Variants in MAML2 observed in about 807,000 individuals in gnomAD.
MAML2 encodes the protein mastermind-like protein 2.
Under a neutral mutation model 96.1 loss-of-function variants are expected in MAML2, and 22 were observed. That is an observed-to-expected ratio of 0.23 (90% CI 0.16 to 0.33). MAML2 has a LOEUF of 0.33. Among genes scored for constraint, MAML2 ranks in the 10% least tolerant of loss-of-function variants. MAML2 has a pLI of 1.00. For missense variants in MAML2, 1,367 were observed against 1,392.4 expected (o/e 0.98, Z 0.29); for synonymous variants, 561 against 521.3 (o/e 1.08, Z -1.04).
chr11:96,198,590 T>A (rs909196321), intron 1 of MAML2, among the ~76,000 whole-genome samples: 22 of 152,332 alleles, frequency 1.4e-4, no homozygotes, highest in African/African-American at 5.3e-4. Context: ...ATCTATTTTG[T>A]AGTGTGGCTC....
chr11:96,038,649 T>G (rs1039449031), intron 2 of MAML2, among the ~76,000 whole-genome samples: 1 of 152,230 alleles, frequency 6.6e-6, no homozygotes, highest in Admixed American at 6.5e-5. Flanking sequence ...CTCCTCCTCA[T>G]GGTCCTTACT....
chr11:96,254,834 T>C lies in MAML2; in HGVS notation c.513+86549A>G, dbSNP rs116155993. On this transcript the variant is annotated intron_variant, in intron 1 of 4. Transcript: ENST00000524717. ...GCTCCTTTTTTTATTTTTTATTTAT[T>C]TTTTGAGACAGGGTCTCACTGTGTC... Among the ~76,000 whole-genome samples the C allele has an allele frequency of 5.2e-3, 799 of 152,290 alleles. 8 individuals carry two copies. Among genetic ancestry groups the C allele is most frequent in the African/African-American group, 0.018 (754 of 41,544 alleles).
intron 1 of MAML2, among the ~76,000 whole-genome samples, chr11:96,240,643 G>T (rs1591090634): frequency 7.2e-6 from 1 of 139,082 alleles, no homozygotes; most frequent in Non-Finnish European, 1.5e-5. Flanking sequence ...TATTATTTTT[G>T]CAATGCATTG....
At chr11:96,330,489 T>A (rs1863838707) in intron 1 of MAML2, among the ~76,000 whole-genome samples, 1 of 152,252 alleles carries the variant, frequency 6.6e-6, no homozygotes, top group African/African-American at 2.4e-5. Flanking sequence ...GCTAAAATTT[T>A]CCAGCTCTGA....
At chr11:96,178,869 T>C (rs1386087430) in intron 1 of MAML2, among the ~76,000 whole-genome samples, 1 of 152,180 alleles carries the variant, frequency 6.6e-6, no homozygotes, top group Non-Finnish European at 1.5e-5. Flanking sequence ...TCTTATAAAA[T>C]GGCATGGCTA....
intron 1 of MAML2, among the ~76,000 whole-genome samples, chr11:96,338,081 C>T (rs1189331588): frequency 6.6e-6 from 1 of 152,182 alleles, no homozygotes; most frequent in African/African-American, 2.4e-5. Flanking sequence ...GTGATCCTAG[C>T]AACACAATCT....
intron 2 of MAML2, among the ~76,000 whole-genome samples, chr11:96,044,080 C>T (rs981173899): frequency 6.6e-6 from 1 of 152,174 alleles, no homozygotes; most frequent in African/African-American, 2.4e-5. Context: ...ATGAAGGTTA[C>T]AAGCTAAGGT....
intron 1 of MAML2, among the ~76,000 whole-genome samples, chr11:96,138,560 G>A (rs1860675688): frequency 6.6e-6 from 1 of 152,082 alleles, no homozygotes; most frequent in Non-Finnish European, 1.5e-5. Context: ...CGATCTTATT[G>A]CACTCTTCCT....
At chr11:96,069,796 G>A (rs894439475) in intron 2 of MAML2, among the ~76,000 whole-genome samples, 201 of 152,178 alleles carry the variant, frequency 1.3e-3, no homozygotes, top group African/African-American at 4.3e-3. Context: ...AGGCCGAGGC[G>A]GGCGGATCAC....
At chr11:96,116,290 T>C (rs1211210049) in intron 1 of MAML2, among the ~76,000 whole-genome samples, 1 of 152,028 alleles carries the variant, frequency 6.6e-6, no homozygotes, top group Non-Finnish European at 1.5e-5. Flanking sequence ...ACTGGGTGGG[T>C]TCTTAAATGG....
intron 2 of MAML2, among the ~76,000 whole-genome samples, chr11:96,009,656 T>C (rs1434286509): frequency 6.6e-6 from 1 of 152,192 alleles, no homozygotes; most frequent in Non-Finnish European, 1.5e-5. Flanking sequence ...AGCATTGACA[T>C]ATATCTTCAC....
At chr11:96,341,123 C>T (rs561782571) in intron 1 of MAML2, among the ~76,000 whole-genome samples, 3 of 152,166 alleles carry the variant, frequency 2.0e-5, no homozygotes, top group South Asian at 4.1e-4. Context: ...ATGTGGACCC[C>T]AGAGAGCCTC....
At chr11:96,153,745 A>G (rs951168942) in intron 1 of MAML2, among the ~76,000 whole-genome samples, 4 of 152,022 alleles carry the variant, frequency 2.6e-5, no homozygotes, top group African/African-American at 9.7e-5. Flanking sequence ...CCCCATCTCT[A>G]CTAAAAATAC....
At chr11:96,324,379 A>C (rs1055134254) in intron 1 of MAML2, among the ~76,000 whole-genome samples, 2 of 152,226 alleles carry the variant, frequency 1.3e-5, no homozygotes, top group Non-Finnish European at 2.9e-5. Context: ...CGCTTAATAC[A>C]TGTTATTTTT....
intron 2 of MAML2, among the ~76,000 whole-genome samples, chr11:96,077,411 G>T (rs369961212): frequency 1.3e-5 from 2 of 151,736 alleles, no homozygotes; most frequent in East Asian, 3.9e-4. Context: ...GGTAGAGACA[G>T]GGTTTCACTA....
chr11:96,021,910 G>A (rs1858442293), intron 2 of MAML2, among the ~76,000 whole-genome samples: 1 of 152,188 alleles, frequency 6.6e-6, no homozygotes, highest in South Asian at 2.1e-4. Flanking sequence ...TGGGCTCCAG[G>A]TGCAACCCAG....
At chr11:96,162,257 T>C (rs1216756721) in intron 1 of MAML2, among the ~76,000 whole-genome samples, 2 of 151,330 alleles carry the variant, frequency 1.3e-5, no homozygotes, top group East Asian at 3.8e-4. Context: ...TTTTTTTTTT[T>C]TTTAATTCAT....
intron 1 of MAML2, among the ~76,000 whole-genome samples, chr11:96,291,292 A>G (rs887532048): frequency 1.3e-5 from 2 of 151,552 alleles, no homozygotes; most frequent in African/African-American, 4.9e-5. Flanking sequence ...CACCCGGCTA[A>G]TTTTTGTATT....
chr11:95,991,530 A>G lies in MAML2; in HGVS notation c.2333T>C (p.Leu778Pro), dbSNP rs1302903264. 1 of 1,613,754 alleles carries G rather than the reference A, an allele frequency of 6.2e-7. No individual in the cohort carries two copies. The highest frequency in any genetic ancestry group is 1.7e-5 in the Admixed American group (1 of 59,998). The change falls in exon 3 of 5, where the codon CTG (leucine) becomes CCG (proline). Residue 778 changes from leucine to proline, a missense_variant. By Grantham distance (98) the Leu-to-Pro change is moderately conservative. Coordinates refer to ENST00000524717, the MANE Select transcript of MAML2 (RefSeq NM_032427.4). ...AAGAGAAAGTTTTACCGCGTCAGCC[A>G]GCATCTGCTGCTGGAGAAGAAGTTG... ...KQQLLLQQQM[L>P]ADAEKIAPQD...
Sources: allele counts gnomAD v4.1 joint callset (sites outside exome capture counted in the v4.1 genomes callset), GRCh38; gene constraint gnomAD v4.1.1; transcripts MANE v1.5; gene names NCBI Gene and HGNC (gene_info 2026-07-23, HGNC 2026-07-21).